EIF2AK2: variants seen among roughly 807,000 people sequenced by gnomAD.
The protein encoded by EIF2AK2 is interferon-induced, double-stranded RNA-activated protein kinase.
In EIF2AK2, 40 loss-of-function variants were observed where a neutral mutation model predicts 70.5. The observed-to-expected ratio is 0.57, with a 90% CI of 0.44 to 0.74. The LOEUF is 0.74. EIF2AK2 is among the 30% of genes least tolerant of loss of function. EIF2AK2 has a pLI of 0.00. For synonymous variants in EIF2AK2, 198 were observed against 220.9 expected (o/e 0.90, Z 0.92); for missense variants, 555 against 644.3 (o/e 0.86, Z 1.50).
chr2:37,109,052 G>C (rs2148663430), intron 15 of EIF2AK2, 142 bp downstream of exon 15: 1 of 728,416 alleles, frequency 1.4e-6, no homozygotes, highest in East Asian at 2.8e-5. Flanking sequence ...TTGAAAGACA[G>C]AAAATTCATA....
rs930811910 is a variant in EIF2AK2 at position 37,148,732 on chromosome 2, G to T, written c.-17+125C>A. On this transcript the variant is annotated intron_variant, in intron 2 of 16. Coordinates refer to ENST00000233057, the MANE Select transcript of EIF2AK2 (RefSeq NM_001135651.3). ...TAAAAATTTATATTGACAGATTTGA[G>T]GATTTACAGAAGTCGTGTTGTGACC... 5 of 835,792 alleles carry T rather than the reference G, an allele frequency of 6.0e-6. No individual in the cohort carries two copies. In the East Asian group the frequency reaches 1.2e-4, roughly 21 times the overall value. 51.8% of individuals were successfully genotyped at this position (835,792 alleles called of 1,614,324 possible).
Position 37,126,182 on chromosome 2 carries a change from A to G in EIF2AK2, c.908+107T>C, listed in dbSNP as rs1019559600. ...TAGAATGAAATGTTTAATGAGGATCAGAAAGAAATAAATGATACCCTAATA... is the reference window on the plus strand; with the variant it reads ...TAGAATGAAATGTTTAATGAGGATCGGAAAGAAATAAATGATACCCTAATA... On this transcript the variant is annotated intron_variant, in intron 11 of 16. Coordinates refer to ENST00000233057, the MANE Select transcript of EIF2AK2 (RefSeq NM_001135651.3). The G allele has an allele frequency of 6.5e-6, 9 of 1,385,894 alleles. No individual in the cohort carries two copies. The African/African-American group carries it at 1.3e-4, about 20-fold the overall frequency. The allele number at this position is 1,385,894 out of a possible 1,614,324, so 85.8% of individuals were successfully genotyped here.
At chr2:37,134,589 C>T (rs1039629399) in intron 10 of EIF2AK2, among the ~76,000 whole-genome samples, 1 of 152,130 alleles carries the variant, frequency 6.6e-6, no homozygotes, top group Admixed American at 6.6e-5. Context: ...AACATCAAAT[C>T]GTATTAAATG....
At chr2:37,150,276 T>C (rs1268629873) in intron 1 of EIF2AK2, among the ~76,000 whole-genome samples, 1 of 151,962 alleles carries the variant, frequency 6.6e-6, no homozygotes. Flanking sequence ...CAGTTTGCCA[T>C]GAATAGAAAA....
rs1396830286 is a variant in EIF2AK2, at chr2:37,104,927, A to G, written c.*2346T>C. 6.6e-6 allele frequency: 1 copy of G among 152,220 alleles called. No individual in the cohort carries two copies. The highest frequency in any genetic ancestry group is 1.5e-5 in the Non-Finnish European group (1 of 68,042). The allele number at this position is 152,220 out of a possible 1,614,324, so 9.4% of individuals were successfully genotyped here. On this transcript the variant is annotated 3_prime_UTR_variant, in exon 17 of 17. Coordinates refer to ENST00000233057, the MANE Select transcript of EIF2AK2 (RefSeq NM_001135651.3). ...ATTGAATCACTTGGTTATTGTGGTG[A>G]CCATTGTAAAGGTACATTTTCCCCT... is the stretch of plus-strand genomic sequence containing the variant.
intron 10 of EIF2AK2, among the ~76,000 whole-genome samples, chr2:37,131,375 C>T (rs532945168): frequency 6.6e-6 from 1 of 152,322 alleles, no homozygotes; most frequent in Non-Finnish European, 1.5e-5. Flanking sequence ...AACCTGGCCC[C>T]TTTGCTTAAA....
At chr2:37,128,674 A>G (rs1372150692) in intron 10 of EIF2AK2, among the ~76,000 whole-genome samples, 2 of 152,234 alleles carry the variant, frequency 1.3e-5, no homozygotes, top group Non-Finnish European at 2.9e-5. Context: ...TCTTTGACAG[A>G]ACAGGAGCAT....
intron 14 of EIF2AK2, among the ~76,000 whole-genome samples, chr2:37,110,724 C>A (rs1426036656): frequency 6.6e-6 from 1 of 151,774 alleles, no homozygotes; most frequent in Admixed American, 6.6e-5. Flanking sequence ...CGGGCATTTA[C>A]AAATCAGAAA....
At chr2:37,130,520 G>A (rs1471006898) in intron 10 of EIF2AK2, among the ~76,000 whole-genome samples, 1 of 152,180 alleles carries the variant, frequency 6.6e-6, no homozygotes, top group Non-Finnish European at 1.5e-5. Flanking sequence ...CTCCACTACT[G>A]TTCTGTTTGT....
chr2:37,118,938 A>T (rs899715326), intron 13 of EIF2AK2, among the ~76,000 whole-genome samples: 2 of 152,310 alleles, frequency 1.3e-5, no homozygotes, highest in African/African-American at 4.8e-5. Context: ...TCTGCCTAGA[A>T]CAGAAAAAGG....
At chr2:37,122,857 C>T (rs1430451575) in intron 11 of EIF2AK2, among the ~76,000 whole-genome samples, 193 bp from the exon 12 acceptor site, 1 of 152,058 alleles carries the variant, frequency 6.6e-6, no homozygotes, top group African/African-American at 2.4e-5. Flanking sequence ...CATAGCAGTT[C>T]TCACTCTCAA....
Position 37,139,650 on chromosome 2 carries a change from A to G in EIF2AK2, c.497T>C (p.Leu166Ser). 1.2e-6 allele frequency: 2 copies of G among 1,613,840 alleles called. No homozygotes were observed. The highest frequency in any genetic ancestry group is 1.7e-6 in the Non-Finnish European group (2 of 1,179,958). ...ACGTACCACTGAGGTTTCTTCTGAT[A>G]ATATCTGAAGATATGCAAGTTTAGC... ...LAAKLAYLQILSEETSVKSDY... is the reference protein window; with the variant it reads ...LAAKLAYLQISSEETSVKSDY... Residue 166 changes from leucine to serine, a missense_variant, in exon 6 of 17, where the codon TTA becomes TCA. Coordinates refer to ENST00000233057, the MANE Select transcript of EIF2AK2 (RefSeq NM_001135651.3).
rs758020587 is a variant in EIF2AK2 at position 37,107,271 on chromosome 2, C to T, written c.*2G>A. The stretch of plus-strand genomic sequence containing the variant: ...GAAGCAGGATACTTTTTCAGAAGGG[C>T]TCTAACATGTGTGTCGTTCATTTTT... On this transcript the variant is annotated 3_prime_UTR_variant, in exon 17 of 17. Transcript: ENST00000233057. 1.9e-6 allele frequency: 3 copies of T among 1,610,666 alleles called. No individual in the cohort carries two copies. The highest frequency in any genetic ancestry group is 1.7e-5 in the Admixed American group (1 of 59,362).
intron 1 of EIF2AK2, among the ~76,000 whole-genome samples, chr2:37,153,590 C>T (rs923041871): frequency 5.3e-5 from 8 of 152,002 alleles, no homozygotes; most frequent in African/African-American, 1.9e-4. Flanking sequence ...AGTATTTGTC[C>T]TTTTGTGTCT....
chr2:37,119,024 G>A (rs539101417), intron 13 of EIF2AK2, among the ~76,000 whole-genome samples: 1 of 152,282 alleles, frequency 6.6e-6, no homozygotes, highest in South Asian at 2.1e-4. Flanking sequence ...TGTCCCATGA[G>A]AGAGAAGAAC....
chr2:37,143,094 T>C (rs547550298), intron 4 of EIF2AK2, among the ~76,000 whole-genome samples: 22 of 151,910 alleles, frequency 1.4e-4, no homozygotes, highest in Admixed American at 3.9e-4. Flanking sequence ...CTGGCCGTGG[T>C]GGTGGGTGCC....
At chr2:37,124,448 G>C (rs1674663199) in intron 11 of EIF2AK2, among the ~76,000 whole-genome samples, 1 of 152,130 alleles carries the variant, frequency 6.6e-6, no homozygotes, top group Non-Finnish European at 1.5e-5. Context: ...TTTTAGTAGA[G>C]ACAGAGTTTC....
intron 4 of EIF2AK2, among the ~76,000 whole-genome samples, chr2:37,143,222 C>CAAAAA (rs34947987): frequency 0.031 from 3,485 of 112,052 alleles, 51 homozygotes; most frequent in Middle Eastern, 0.048. Flanking sequence ...GACTCTGTCT[C>CAAAAA]AAAAAAAAAA....
At chr2:37,116,612 G>A (rs902922696) in intron 13 of EIF2AK2, among the ~76,000 whole-genome samples, 2 of 152,114 alleles carry the variant, frequency 1.3e-5, no homozygotes, top group African/African-American at 4.8e-5. Context: ...TTGAGATGAC[G>A]GCTCATACAG....
Sources: gnomAD v4.1 joint callset for allele counts (sites outside exome capture counted in the v4.1 genomes callset) on GRCh38, gnomAD v4.1.1 for gene constraint, MANE v1.5 for transcripts, NCBI Gene and HGNC (gene_info 2026-07-23, HGNC 2026-07-21) for gene names.